The following FAM47E variants were observed in gnomAD, a reference collection of about 807,000 sequenced individuals.
FAM47E encodes protein FAM47E.
Under a neutral mutation model 41.6 loss-of-function variants are expected in FAM47E, and 32 were observed. The observed-to-expected ratio is 0.77, with a 90% CI of 0.58 to 1.03. The LOEUF is 1.03. Ranked by LOEUF, FAM47E falls within the 50% of genes least tolerant of loss-of-function variation. The pLI is 0.00. For missense variants in FAM47E, 424 were observed against 485.4 expected (o/e 0.87, Z 1.19); for synonymous variants, 184 against 188.7 (o/e 0.98, Z 0.20).
rs988189204 is a variant in FAM47E at position 76,261,654 on chromosome 4, G to T, written c.421-2050G>T. ...CATGGTCATAAAGATGGAGATAATA[G>T]ACACTGGGGCCTCCAAAAAGGGGGG... On this transcript the variant is annotated intron_variant, in intron 2 of 7. Coordinates refer to ENST00000424749, the MANE Select transcript of FAM47E (RefSeq NM_001136570.3). Among the ~76,000 whole-genome samples, 3 of 152,056 alleles carry T rather than the reference G, an allele frequency of 2.0e-5. No homozygotes were observed. In the East Asian group the frequency reaches 5.8e-4, roughly 29 times the overall value.
chr4:76,222,520 G>A (rs1330678248), intron 2 of FAM47E, among the ~76,000 whole-genome samples: 2 of 152,188 alleles, frequency 1.3e-5, no homozygotes, highest in South Asian at 2.1e-4. Flanking sequence ...GAGCCACCGT[G>A]CCCGGCCTTT....
intron 7 of FAM47E, chr4:76,281,160 G>A (rs1460420421): frequency 1.3e-5 from 2 of 152,242 alleles, no homozygotes; most frequent in Admixed American, 6.5e-5. Context: ...GTCTTTAGGG[G>A]ACAGTGCAAC....
At chr4:76,242,190 A>G (rs1277925296) in intron 2 of FAM47E, among the ~76,000 whole-genome samples, 1 of 152,186 alleles carries the variant, frequency 6.6e-6, no homozygotes, top group Admixed American at 6.5e-5. Context: ...TGTAATCCCC[A>G]GTGTTGGAGG....
Position 76,278,159 on chromosome 4 carries a change from C to G in FAM47E, c.961C>G (p.Leu321Val). The change falls in exon 6 of 8, where the codon CTG becomes GTG. Residue 321 changes from leucine to valine, a missense_variant. By Grantham distance (32) the Leu-to-Val change is conservative (BLOSUM62 1). Coordinates refer to ENST00000424749, the MANE Select transcript of FAM47E (RefSeq NM_001136570.3). ...GAAAAAGCAAAGAGTAGACGAGCCT[C>G]TGGTTGACCCTGAGGTCTCACATAA... is the stretch of plus-strand genomic sequence containing the variant. ...LWKKQRVDEP[L>V]VDPEVSHKAQ... The G allele has an allele frequency of 6.4e-7, 1 of 1,551,200 alleles. No individual in the cohort carries two copies.
At chr4:76,268,443 A>C (rs1734735288) in intron 3 of FAM47E, 2 of 472,494 alleles carry the variant, frequency 4.2e-6, no homozygotes, top group Non-Finnish European at 3.6e-6. Flanking sequence ...ATGCTATGTA[A>C]GTTTTAATTA....
intron 2 of FAM47E, among the ~76,000 whole-genome samples, chr4:76,221,595 C>T (rs542482516): frequency 6.6e-6 from 1 of 152,298 alleles, no homozygotes; most frequent in East Asian, 1.9e-4. Context: ...GCTGGGATTA[C>T]AGGCATGAGC....
intron 2 of FAM47E, among the ~76,000 whole-genome samples, chr4:76,227,456 A>G (rs1018856149): frequency 6.6e-6 from 1 of 152,196 alleles, no homozygotes; most frequent in African/African-American, 2.4e-5. Context: ...TTTGTGGCCT[A>G]TCATATGGTC....
intron 6 of FAM47E, 62 bp downstream of exon 6, chr4:76,278,286 C>T (rs1735212514): frequency 1.4e-6 from 2 of 1,403,844 alleles, no homozygotes; most frequent in South Asian, 1.7e-5. Context: ...CATCTGCCAC[C>T]CTCCTACTGA....
At chr4:76,234,142 G>A (rs1733541504) in intron 2 of FAM47E, among the ~76,000 whole-genome samples, 1 of 152,152 alleles carries the variant, frequency 6.6e-6, no homozygotes, top group Non-Finnish European at 1.5e-5. Flanking sequence ...AGGGTGGAGG[G>A]GAGCCGCTGC....
At chr4:76,215,705 C>T (rs78737354) in intron 1 of FAM47E, among the ~76,000 whole-genome samples, 15,480 of 152,054 alleles carry the variant, frequency 0.1, 1,052 homozygotes, top group East Asian at 0.36. Context: ...TCAAGTCACC[C>T]CTAAGTTCAG....
intron 2 of FAM47E, chr4:76,236,408 T>C (rs1733587330): frequency 6.6e-6 from 1 of 152,138 alleles, no homozygotes; most frequent in South Asian, 2.1e-4. Flanking sequence ...TGCAGCACCC[T>C]GATAGAACCC....
rs903362293 is a variant in FAM47E at position 76,251,745 on chromosome 4, C to A, written c.-2C>A. 5.4e-6 allele frequency: 8 copies of A among 1,482,314 alleles called. No homozygotes were observed. In the African/African-American group the frequency reaches 1.2e-4, roughly 22 times the overall value. 91.8% of individuals were successfully genotyped at this position (1,482,314 alleles called of 1,614,324 possible). ...GACGGTGGCCGCGAAGCTAGGGCCA[C>A]CATGGCGGACCGCAGGCGGCGGCTC... On this transcript the variant is annotated 5_prime_UTR_variant, in exon 1 of 8. Transcript: ENST00000424749.
intron 2 of FAM47E, among the ~76,000 whole-genome samples, chr4:76,235,983 C>T (rs574882910): frequency 7.2e-5 from 11 of 152,320 alleles, no homozygotes; most frequent in African/African-American, 2.6e-4. Flanking sequence ...AGCCAGGATT[C>T]GTTCCTGGCA....
chr4:76,237,291 G>T (rs1264445968), intron 2 of FAM47E, among the ~76,000 whole-genome samples: 1 of 151,418 alleles, frequency 6.6e-6, no homozygotes, highest in Non-Finnish European at 1.5e-5. Context: ...CATGCCTCAG[G>T]TTTAATTTTA....
At chr4:76,268,882 G>A in intron 4 of FAM47E, 114 bp downstream of exon 4, 2 of 1,329,816 alleles carry the variant, frequency 1.5e-6, no homozygotes, top group Non-Finnish European at 2.0e-6. Flanking sequence ...TTAAAAAACA[G>A]TATTGGATAA....
At chr4:76,230,562 C>G (rs13136819) in intron 2 of FAM47E, among the ~76,000 whole-genome samples, 22,790 of 152,134 alleles carry the variant, frequency 0.15, 2,040 homozygotes, top group East Asian at 0.35. Context: ...GGATTCTGCT[C>G]AAGAGAGTTT....
At chr4:76,216,990 C>T (rs922067308) in intron 1 of FAM47E, among the ~76,000 whole-genome samples, 2 of 152,210 alleles carry the variant, frequency 1.3e-5, no homozygotes, top group African/African-American at 4.8e-5. Context: ...TCCATCTTCT[C>T]TACCCACAGC....
Position 76,251,785 on chromosome 4 carries a change from G to A in FAM47E, c.39G>A (p.Leu13=). The change falls in exon 1 of 8, where the codon TTG becomes TTA. Residue 13 remains leucine, a synonymous_variant. Transcript: ENST00000424749. ...DRRRRLRPGT[L]APVREGVNCR... Reference sequence around the variant, plus strand: ...GGCGGCGGCTCCGGCCGGGGACGTTGGCCCCGGTGCGCGAGGGCGTGAACT... The same window carrying A: ...GGCGGCGGCTCCGGCCGGGGACGTTAGCCCCGGTGCGCGAGGGCGTGAACT... 6.7e-7 allele frequency: 1 copy of A among 1,491,056 alleles called. No individual in the cohort carries two copies. Among genetic ancestry groups the A allele is most frequent in the Non-Finnish European group, 8.9e-7 (1 of 1,126,952 alleles). 92.4% of individuals were successfully genotyped at this position (1,491,056 alleles called of 1,614,324 possible).
intron 1 of FAM47E, among the ~76,000 whole-genome samples, chr4:76,253,336 G>A (rs149532247): frequency 2.0e-5 from 3 of 148,924 alleles, no homozygotes; most frequent in African/African-American, 5.0e-5. Flanking sequence ...AGCTGCTATC[G>A]ACATTTGTGT....
Sources: gnomAD v4.1 joint callset for allele counts (sites outside exome capture counted in the v4.1 genomes callset) on GRCh38, gnomAD v4.1.1 for gene constraint, MANE v1.5 for transcripts, NCBI Gene and HGNC (gene_info 2026-07-23, HGNC 2026-07-21) for gene names.